Variants in B3GALT1 observed in about 807,000 individuals in gnomAD.
B3GALT1 encodes the protein beta-1,3-galactosyltransferase 1.
In B3GALT1, 10 loss-of-function variants were observed where a neutral mutation model predicts 23.2. That is an observed-to-expected ratio of 0.43 (90% CI 0.27 to 0.73). The LOEUF is 0.73. B3GALT1 is among the 30% of genes least tolerant of loss of function. The pLI is 0.21. For synonymous variants in B3GALT1, 156 were observed against 141.5 expected (o/e 1.10, Z -0.73); for missense variants, 299 against 405.4 (o/e 0.74, Z 2.25).
At chr2:167,639,602 TAGA>T (rs1685618116) in intron 2 of B3GALT1, among the ~76,000 whole-genome samples, 2 of 8,980 alleles carry the variant, frequency 2.2e-4, no homozygotes, top group African/African-American at 3.7e-4. Context: ...ACTGGAGACT[TAGA>T]TAGACAGAGA....
At chr2:167,716,041 G>A (rs763890446) in intron 3 of B3GALT1, 329 of 1,603,098 alleles carry the variant, frequency 2.1e-4, no homozygotes, top group Non-Finnish European at 2.5e-4. Flanking sequence ...AAGTAGGGCC[G>A]AGCGGTAGCG....
intron 1 of B3GALT1, among the ~76,000 whole-genome samples, chr2:167,340,190 A>C (rs1303902871): frequency 6.6e-6 from 1 of 152,090 alleles, no homozygotes; most frequent in Non-Finnish European, 1.5e-5. Flanking sequence ...TAGGAGTACC[A>C]GTTTGACCTT....
At chr2:167,460,297 G>A (rs1429919236) in intron 1 of B3GALT1, among the ~76,000 whole-genome samples, 1 of 151,984 alleles carries the variant, frequency 6.6e-6, no homozygotes, top group African/African-American at 2.4e-5. Context: ...CTTTTCTTCA[G>A]TCATTTTTCT....
At chr2:167,443,414 A>C (rs1698927239) in intron 1 of B3GALT1, among the ~76,000 whole-genome samples, 1 of 152,232 alleles carries the variant, frequency 6.6e-6, no homozygotes, top group South Asian at 2.1e-4. Flanking sequence ...CTGTGAAGAA[A>C]GTCATCGGAA....
chr2:167,655,433 A>T (rs1340792205), intron 3 of B3GALT1, among the ~76,000 whole-genome samples: 1 of 152,202 alleles, frequency 6.6e-6, no homozygotes, highest in African/African-American at 2.4e-5. Flanking sequence ...AACACTGACT[A>T]AATTTTATCA....
intron 2 of B3GALT1, among the ~76,000 whole-genome samples, chr2:167,592,101 T>C (rs1389632140): frequency 6.6e-6 from 1 of 152,144 alleles, no homozygotes. Context: ...GGGAAATCTA[T>C]GGGAGGTGCA....
intron 2 of B3GALT1, among the ~76,000 whole-genome samples, chr2:167,528,563 A>G (rs530394516): frequency 6.6e-6 from 1 of 152,268 alleles, no homozygotes; most frequent in East Asian, 1.9e-4. Context: ...CTACTTCGCT[A>G]CTATGGTTGC....
intron 4 of B3GALT1, among the ~76,000 whole-genome samples, chr2:167,826,200 C>G (rs1689221304): frequency 6.6e-6 from 1 of 152,120 alleles, no homozygotes; most frequent in African/African-American, 2.4e-5. Context: ...TGGGTCAGGT[C>G]ACTTGACTCC....
chr2:167,512,224 G>T (rs1700015292), intron 2 of B3GALT1, among the ~76,000 whole-genome samples: 3 of 151,772 alleles, frequency 2.0e-5, no homozygotes, highest in African/African-American at 7.3e-5. Context: ...TAAAAATGAT[G>T]CTTGCTAAAG....
At position 167,872,469 on chromosome 2, in the gene B3GALT1, C is replaced by T. The variant is rs1177432980; in HGVS notation, c.*2449C>T. ...GATCAGCACAAGGTGAACCACCCTCCAACCTGCAGCCTCAACTGCTGTGAG... is the reference window on the plus strand; with the variant it reads ...GATCAGCACAAGGTGAACCACCCTCTAACCTGCAGCCTCAACTGCTGTGAG... On this transcript the variant is annotated 3_prime_UTR_variant, in exon 5 of 5. Transcript: ENST00000392690. The T allele has an allele frequency of 1.3e-5, 2 of 152,198 alleles. No individual in the cohort carries two copies. Among genetic ancestry groups the T allele is most frequent in the African/African-American group, 2.4e-5 (1 of 41,432 alleles). 9.4% of individuals were successfully genotyped at this position (152,198 alleles called of 1,614,324 possible). A position where few individuals can be genotyped will look rare whatever the true frequency, so the allele number is the denominator to read the frequency against.
chr2:167,706,988 T>A (rs1301492451), intron 3 of B3GALT1, among the ~76,000 whole-genome samples: 1 of 152,216 alleles, frequency 6.6e-6, no homozygotes, highest in Non-Finnish European at 1.5e-5. Flanking sequence ...TCTCTTGGAA[T>A]GCTTGATTTT....
intron 1 of B3GALT1, among the ~76,000 whole-genome samples, chr2:167,480,169 A>T (rs187913387): frequency 6.6e-6 from 1 of 152,270 alleles, no homozygotes; most frequent in Admixed American, 6.5e-5. Context: ...GGATTATAGA[A>T]ACCATGCCTA....
At chr2:167,824,376 A>G (rs1689170756) in intron 4 of B3GALT1, among the ~76,000 whole-genome samples, 1 of 152,174 alleles carries the variant, frequency 6.6e-6, no homozygotes, top group Non-Finnish European at 1.5e-5. Flanking sequence ...GCTACTTGCA[A>G]CTTGCAACTT....
intron 4 of B3GALT1, among the ~76,000 whole-genome samples, chr2:167,846,275 T>G (rs2105407785): frequency 6.6e-6 from 1 of 152,222 alleles, no homozygotes; most frequent in South Asian, 2.1e-4. Context: ...CGCAGAAAGA[T>G]CGTCACCTAG....
chr2:167,576,231 A>G (rs1181540843), intron 2 of B3GALT1, among the ~76,000 whole-genome samples: 1 of 151,774 alleles, frequency 6.6e-6, no homozygotes, highest in East Asian at 1.9e-4. Flanking sequence ...AAAATGTTTC[A>G]TTGTAGATCC....
At chr2:167,655,087 C>A (rs1040074308) in intron 3 of B3GALT1, among the ~76,000 whole-genome samples, 8 of 152,130 alleles carry the variant, frequency 5.3e-5, no homozygotes, top group Non-Finnish European at 8.8e-5. Flanking sequence ...ATATCTTATT[C>A]TTTGAACCTA....
intron 3 of B3GALT1, among the ~76,000 whole-genome samples, chr2:167,654,105 T>G (rs1175558981): frequency 1.3e-5 from 2 of 152,258 alleles, no homozygotes; most frequent in Non-Finnish European, 2.9e-5. Flanking sequence ...ACATCCAGGC[T>G]TCAGCGCTTA....
chr2:167,586,967 C>T (rs563928959), intron 2 of B3GALT1, among the ~76,000 whole-genome samples: 19 of 152,250 alleles, frequency 1.2e-4, no homozygotes, highest in African/African-American at 4.3e-4. Flanking sequence ...GATGATAAAA[C>T]TTGATTTGCT....
At chr2:167,639,961 G>A (rs1011625655) in intron 2 of B3GALT1, among the ~76,000 whole-genome samples, 1 of 151,992 alleles carries the variant, frequency 6.6e-6, no homozygotes, top group Non-Finnish European at 1.5e-5. Flanking sequence ...GAGGTTATCT[G>A]GGACACATTG....
Sources: allele counts gnomAD v4.1 joint callset (sites outside exome capture counted in the v4.1 genomes callset), GRCh38; gene constraint gnomAD v4.1.1; transcripts MANE v1.5; gene names NCBI Gene and HGNC (gene_info 2026-07-23, HGNC 2026-07-21).